Variants in RBFOX3 observed in about 807,000 individuals in gnomAD.
The protein encoded by RBFOX3 is RNA binding fox-1 homolog 3.
Under a neutral mutation model 48.7 loss-of-function variants are expected in RBFOX3, and 17 were observed. The observed-to-expected ratio is 0.35, with a 90% confidence interval of 0.24 to 0.52. The LOEUF (loss-of-function observed/expected upper bound fraction) is 0.52, where lower values mean the gene tolerates loss of function less well. Ranked by LOEUF, RBFOX3 falls within the 20% of genes least tolerant of loss-of-function variation. The pLI, the probability that RBFOX3 is intolerant of heterozygous loss-of-function variation, is 0.94. For synonymous variants in RBFOX3, 212 were observed against 209.5 expected, an observed-to-expected ratio of 1.01 and a Z score of -0.10; for missense variants, 382 against 497.5, an observed-to-expected ratio of 0.77 and a Z score of 2.21.
chr17:79,507,951 C>A (rs2083417174), intron 1 of RBFOX3, among the ~76,000 whole-genome samples: 1 of 152,228 alleles, frequency 6.6e-6, no homozygotes, highest in African/African-American at 2.4e-5. Context: ...GAATCCTTCA[C>A]CAGACAGCTT....
intron 1 of RBFOX3, among the ~76,000 whole-genome samples, chr17:79,585,960 C>T (rs2093236931): frequency 1.3e-5 from 2 of 152,238 alleles, no homozygotes; most frequent in African/African-American, 4.8e-5. Context: ...CCTGCATCCA[C>T]CAACCAGCCT....
At chr17:79,497,637 G>C (rs1293942319) in intron 1 of RBFOX3, among the ~76,000 whole-genome samples, 1 of 152,208 alleles carries the variant, frequency 6.6e-6, no homozygotes, top group Non-Finnish European at 1.5e-5. Context: ...CGAAGCTCTA[G>C]AACAATGTCC....
rs1019104876 is a variant in RBFOX3, at chr17:79,471,862, A to G, written c.-175+10592T>C. On this transcript the variant is annotated intron_variant, in intron 2 of 14. Transcript: ENST00000693108. This position sits in a 1 kb window ranked among gnomAD's most constrained non-coding sequence, Gnocchi z 4.0. ...CACCGTTCTCCAGGGTCGAGGGAGA[A>G]CACTTCAAGAGAGGCGACTAAATCT... 6.6e-6 allele frequency among the ~76,000 whole-genome samples: 1 copy of G among 152,188 alleles called. No individual in the cohort carries two copies. The highest frequency in any genetic ancestry group is 1.5e-5 in the Non-Finnish European group (1 of 68,034).
At chr17:79,165,965 C>T (rs1599761366) in intron 4 of RBFOX3, among the ~76,000 whole-genome samples, 1 of 152,230 alleles carries the variant, frequency 6.6e-6, no homozygotes, top group Non-Finnish European at 1.5e-5. Context: ...CTGCAGGGCA[C>T]CCGCGTGCAC....
chr17:79,632,652 C>T, the RBFOX3 span, among the ~76,000 whole-genome samples: 1 of 151,866 alleles, frequency 6.6e-6, no homozygotes, highest in Non-Finnish European at 1.5e-5. Flanking sequence ...ACCTGTAATC[C>T]CAGCACTTCC....
rs542532283 is a variant in RBFOX3 at position 79,294,714 on chromosome 17, T to C, written c.-74+13010A>G. Reference sequence around the variant, plus strand: ...GACGCTGCCAGCCACGCGGCCGAACTCCGGACTGGGGGCCACGTGGAGGAG... The same window carrying C: ...GACGCTGCCAGCCACGCGGCCGAACCCCGGACTGGGGGCCACGTGGAGGAG... On this transcript the variant is annotated intron_variant, in intron 3 of 14. Transcript: ENST00000693108. Among the ~76,000 whole-genome samples, 18 of 152,248 alleles carry C rather than the reference T, an allele frequency of 1.2e-4. No homozygotes were observed. The East Asian group carries it at 2.5e-3, about 21-fold the overall frequency.
chr17:79,453,039 G>T (rs2073832939), intron 2 of RBFOX3, among the ~76,000 whole-genome samples: 1 of 152,230 alleles, frequency 6.6e-6, no homozygotes, highest in Admixed American at 6.5e-5. Context: ...GAATGGGGGT[G>T]ATCGCAGGGC....
At chr17:79,584,480 G>A (rs2093175206) in intron 1 of RBFOX3, among the ~76,000 whole-genome samples, 2 of 152,114 alleles carry the variant, frequency 1.3e-5, no homozygotes, top group Admixed American at 1.3e-4. Flanking sequence ...ACAAAAATAT[G>A]GAACCAGGCC....
chr17:79,352,605 G>A (rs1350381322), intron 2 of RBFOX3, among the ~76,000 whole-genome samples: 1 of 152,204 alleles, frequency 6.6e-6, no homozygotes, highest in Non-Finnish European at 1.5e-5. Flanking sequence ...CCTCTTAAAT[G>A]TTCCCTCTGG....
chr17:79,504,575 G>A (rs961586688), intron 1 of RBFOX3, among the ~76,000 whole-genome samples: 16 of 152,196 alleles, frequency 1.1e-4, no homozygotes, highest in Non-Finnish European at 2.1e-4. Flanking sequence ...TGGGGCTGCA[G>A]CAACTCTCTG....
At chr17:79,467,801 T>C (rs1386663898) in intron 2 of RBFOX3, among the ~76,000 whole-genome samples, 1 of 152,126 alleles carries the variant, frequency 6.6e-6, no homozygotes, top group Non-Finnish European at 1.5e-5. Context: ...CTCTCTGCTA[T>C]GGGCCTTTGA....
At chr17:79,148,386 C>T (rs879302277) in intron 4 of RBFOX3, among the ~76,000 whole-genome samples, 9 of 152,240 alleles carry the variant, frequency 5.9e-5, no homozygotes, top group Non-Finnish European at 1.2e-4. Flanking sequence ...GCCCTGTGCC[C>T]CACTGCTGGG....
chr17:79,212,076 G>A lies in RBFOX3; in HGVS notation c.-34+23690C>T, dbSNP rs927728556. ...CCAGCACCCTCCCTCCTGGAGTCCC[G>A]CTGCATTGGGGAAATTGACCAGCGC... On this transcript the variant is annotated intron_variant, in intron 4 of 14. Coordinates refer to ENST00000693108, the MANE Select transcript of RBFOX3 (RefSeq NM_001350451.2). The surrounding 1 kb of genome is among the most constrained non-coding windows in gnomAD (Gnocchi z 4.7). Among the ~76,000 whole-genome samples the A allele has an allele frequency of 6.6e-6, 1 of 152,218 alleles. No individual in the cohort carries two copies. The highest frequency in any genetic ancestry group is 1.5e-5 in the Non-Finnish European group (1 of 68,030).
chr17:79,157,846 T>G (rs2046160165), intron 4 of RBFOX3, among the ~76,000 whole-genome samples: 1 of 152,136 alleles, frequency 6.6e-6, no homozygotes, highest in South Asian at 2.1e-4. Flanking sequence ...CTGCTTATGG[T>G]CACCGCACGT....
At chr17:79,403,486 C>T (rs1431775885) in intron 2 of RBFOX3, among the ~76,000 whole-genome samples, 1 of 152,234 alleles carries the variant, frequency 6.6e-6, no homozygotes, top group South Asian at 2.1e-4. Context: ...CAGGAATAAT[C>T]CGTGAACACA....
At chr17:79,169,314 G>C (rs1279978719) in intron 4 of RBFOX3, among the ~76,000 whole-genome samples, 1 of 152,160 alleles carries the variant, frequency 6.6e-6, no homozygotes, top group African/African-American at 2.4e-5. Context: ...TCAGATGCTG[G>C]GGTAGCGGTG....
intron 2 of RBFOX3, among the ~76,000 whole-genome samples, chr17:79,348,539 CCA>C (rs1461794773): frequency 6.7e-6 from 1 of 150,056 alleles, no homozygotes; most frequent in East Asian, 2.0e-4. Flanking sequence ...TTGCTGGTTA[CCA>C]TCAGAACAAA....
At chr17:79,387,941 CAT>C (rs2060793260) in intron 2 of RBFOX3, among the ~76,000 whole-genome samples, 1 of 151,946 alleles carries the variant, frequency 6.6e-6, no homozygotes, top group South Asian at 2.1e-4. Context: ...TGCATGTGTA[CAT>C]GTGTGCATGT....
chr17:79,653,811 G>T, the RBFOX3 span, among the ~76,000 whole-genome samples: 1 of 149,708 alleles, frequency 6.7e-6, no homozygotes, highest in Non-Finnish European at 1.5e-5. Context: ...GGGAGGCTGA[G>T]GTGGAAGTCT....
Sources: gnomAD v4.1 joint callset for allele counts (sites outside exome capture counted in the v4.1 genomes callset) on GRCh38, gnomAD v4.1.1 for gene constraint, Gnocchi (gnomAD v3.1) non-coding constraint, MANE v1.5 for transcripts, NCBI Gene and HGNC (gene_info 2026-07-23, HGNC 2026-07-21) for gene names.